TBCE: variants seen among roughly 807,000 people sequenced by gnomAD.
The protein encoded by TBCE is tubulin-specific chaperone E.
A neutral mutation model predicts 77.0 loss-of-function variants in TBCE; 53 were observed. The ratio of observed to expected loss-of-function variants is 0.69; its 90% CI spans 0.55 to 0.87. The LOEUF (loss-of-function observed/expected upper bound fraction) is 0.87. TBCE is among the 40% of genes least tolerant of loss of function. The pLI, the probability that TBCE is intolerant of heterozygous loss-of-function variation, is 0.00. For synonymous variants in TBCE, 235 were observed against 241.3 expected, an observed-to-expected ratio of 0.97 and a Z score of 0.24; for missense variants, 624 against 622.4, an observed-to-expected ratio of 1.00 and a Z score of -0.03.
chr1:235,382,062 G>A (rs1197734368), intron 2 of TBCE, among the ~76,000 whole-genome samples: 3 of 148,204 alleles, frequency 2.0e-5, no homozygotes, highest in Non-Finnish European at 1.5e-5. Context: ...AGAACATGCA[G>A]TGTTTGGTTT....
At chr1:235,436,631 C>G (rs775171608) in intron 11 of TBCE, 23 bp downstream of exon 11, 2 of 1,600,620 alleles carry the variant, frequency 1.2e-6, no homozygotes, top group Non-Finnish European at 1.7e-6. Context: ...CGGAGTATGC[C>G]CAGCACACTG....
rs1250135688 is a variant in TBCE at position 235,437,336 on chromosome 1, T to C, written c.978T>C (p.Asn326=). The change falls in exon 12 of 17, where the codon AAT becomes AAC. Residue 326 remains asparagine (N), a synonymous_variant. Transcript: ENST00000642610. The part of the protein sequence containing the change: ...DNQISQWSFF[N]ELEKLPSLRA... ...CTGTGTTTCAGTGGTCGTTTTTCAA[T>C]GAGCTAGAGAAGTTACCAAGTCTAC... 1.9e-6 allele frequency: 3 copies of C among 1,613,940 alleles called. No homozygotes were observed. Among genetic ancestry groups the C allele is most frequent in the East Asian group, 2.2e-5 (1 of 44,888 alleles).
At chr1:235,369,465 C>T (rs1676765139) in intron 1 of TBCE, among the ~76,000 whole-genome samples, 1 of 151,652 alleles carries the variant, frequency 6.6e-6, no homozygotes, top group Non-Finnish European at 1.5e-5. Context: ...CGAGATCGTG[C>T]CACTGCACTC....
intron 14 of TBCE, 95 bp from the exon 15 acceptor site, chr1:235,442,757 A>T: frequency 1.4e-5 from 15 of 1,063,618 alleles, no homozygotes; most frequent in Non-Finnish European, 2.0e-5. Context: ...TGCACTGAAT[A>T]CCTCTATCAT....
At chr1:235,413,400 G>A (rs987875516) in intron 3 of TBCE, among the ~76,000 whole-genome samples, 18 of 151,248 alleles carry the variant, frequency 1.2e-4, no homozygotes, top group East Asian at 2.0e-4. Context: ...GGTGGCTCAC[G>A]CCTGTAATCC....
intron 9 of TBCE, 170 bp from the exon 10 acceptor site, chr1:235,436,216 G>A (rs1198624860): frequency 4.5e-6 from 3 of 668,470 alleles, no homozygotes; most frequent in Non-Finnish European, 8.0e-6. Context: ...TAGAATACAG[G>A]ATAAAGAGTT....
chr1:235,426,699 G>A (rs1390958493), intron 5 of TBCE, among the ~76,000 whole-genome samples: 1 of 152,178 alleles, frequency 6.6e-6, no homozygotes, highest in African/African-American at 2.4e-5. Context: ...AGGCTGGAGT[G>A]CAGTGGCGCA....
chr1:235,435,865 A>T, intron 9 of TBCE, 25 bp downstream of exon 9: 1 of 1,583,452 alleles, frequency 6.3e-7, no homozygotes, highest in South Asian at 1.1e-5. Flanking sequence ...AATGCCTGAT[A>T]CAATAGTGTT....
At chr1:235,410,269 A>G (rs1056855861) in intron 3 of TBCE, among the ~76,000 whole-genome samples, 1 of 152,070 alleles carries the variant, frequency 6.6e-6, no homozygotes, top group Non-Finnish European at 1.5e-5. Context: ...TAATAAAGGA[A>G]TAACGAATGG....
At chr1:235,414,801 T>C (rs906737059) in intron 4 of TBCE, 183 bp downstream of exon 4, 22 of 632,220 alleles carry the variant, frequency 3.5e-5, no homozygotes, top group South Asian at 2.7e-4. Flanking sequence ...ATTCTTATGT[T>C]AGCACAGGAT....
intron 4 of TBCE, chr1:235,416,168 CAAAAAAAAAAAAAA>C (rs36124968): frequency 3.5e-4 from 33 of 93,686 alleles, no homozygotes; most frequent in African/African-American, 1.2e-3. Flanking sequence ...GACTCTGTCT[CAAAAAAAAAAAAAA>C]AAAAGAAAAA....
At chr1:235,410,642 C>G (rs1679733620) in intron 3 of TBCE, among the ~76,000 whole-genome samples, 1 of 152,190 alleles carries the variant, frequency 6.6e-6, no homozygotes, top group African/African-American at 2.4e-5. Flanking sequence ...AGGTCTCAGC[C>G]TTATTTTACC....
At chr1:235,428,631 C>CTTTATTTA (rs144210623) in intron 6 of TBCE, among the ~76,000 whole-genome samples, 56,235 of 147,248 alleles carry the variant, frequency 0.38, 11,470 homozygotes, top group East Asian at 0.59. Flanking sequence ...TTTAAGGACA[C>CTTTATTTA]TTTATTTATT....
intron 1 of TBCE, among the ~76,000 whole-genome samples, chr1:235,372,403 C>T (rs1677025204): frequency 6.6e-6 from 1 of 152,098 alleles, no homozygotes; most frequent in African/African-American, 2.4e-5. Flanking sequence ...AAGAATTTTT[C>T]CCAAGGAAAT....
rs879145101 is a variant in TBCE at position 235,380,202 on chromosome 1, T to C, written c.100+53T>C. ...GTGTGTGTGTGTGTGTGTGTGTGTG[T>C]GTGTGTGTGTGTATTTTGCAGCTGT... On this transcript the variant is annotated intron_variant, in intron 2 of 16. Coordinates refer to ENST00000642610, the MANE Select transcript of TBCE (RefSeq NM_003193.5). The C allele has an allele frequency of 1.4e-4, 138 of 1,016,228 alleles. No individual in the cohort carries two copies. The South Asian group carries it at 2.1e-3, about 16-fold the overall frequency. The allele number at this position is 1,016,228 out of a possible 1,614,324, so 63.0% of individuals were successfully genotyped here.
intron 3 of TBCE, among the ~76,000 whole-genome samples, chr1:235,406,109 TTTG>T (rs1480365814): frequency 6.6e-6 from 1 of 152,254 alleles, no homozygotes; most frequent in Non-Finnish European, 1.5e-5. Flanking sequence ...AAATAGGCAC[TTTG>T]TTGACATTAA....
At chr1:235,430,941 A>G (rs1681048634) in intron 7 of TBCE, 137 bp downstream of exon 7, 1 of 746,166 alleles carries the variant, frequency 1.3e-6, no homozygotes, top group South Asian at 1.6e-5. Flanking sequence ...ATAGATAACA[A>G]GATTCATTAA....
chr1:235,450,169 C>T lies in TBCE; in HGVS notation c.*1407C>T, dbSNP rs752818774. The T allele has an allele frequency of 2.0e-5, 32 of 1,612,400 alleles. No homozygotes were observed. In the South Asian group the frequency reaches 3.5e-4, roughly 18 times the overall value. On this transcript the variant is annotated 3_prime_UTR_variant, in exon 17 of 17. Coordinates refer to ENST00000642610, the MANE Select transcript of TBCE (RefSeq NM_003193.5). ...GACTTGCACTCAGATTATCGTTTGC[C>T]TGCCCTGATTTTAGACTCTGCTAAT...
intron 2 of TBCE, among the ~76,000 whole-genome samples, chr1:235,397,064 G>A (rs990768987): frequency 2.0e-5 from 3 of 151,344 alleles, no homozygotes; most frequent in South Asian, 4.2e-4. Context: ...AACCTCCACC[G>A]CCCTGGCTCA....
Sources: allele counts gnomAD v4.1 joint callset (sites outside exome capture counted in the v4.1 genomes callset), GRCh38; gene constraint gnomAD v4.1.1; transcripts MANE v1.5; gene names NCBI Gene and HGNC (gene_info 2026-07-23, HGNC 2026-07-21).